SGCD: variants seen among roughly 807,000 people sequenced by gnomAD.
SGCD encodes the protein delta-sarcoglycan.
In SGCD, 18 loss-of-function variants were observed where a neutral mutation model predicts 36.6. That is an observed-to-expected ratio of 0.49 (90% CI 0.34 to 0.73). SGCD has a LOEUF of 0.73. Ranked by LOEUF, SGCD falls within the 30% of genes least tolerant of loss-of-function variation. The probability of loss-of-function intolerance (pLI) is 0.01; values close to 1 mark genes in which losing one functional copy is unlikely to be tolerated. For missense variants in SGCD, 387 were observed against 346.7 expected, an observed-to-expected ratio of 1.12 and a Z score of -0.92; for synonymous variants, 133 against 130.6, an observed-to-expected ratio of 1.02 and a Z score of -0.12.
intron 3 of SGCD, among the ~76,000 whole-genome samples, chr5:156,404,559 C>A (rs1418803530): frequency 6.6e-6 from 1 of 152,168 alleles, no homozygotes. Flanking sequence ...TTCCCTCCTA[C>A]CTTTTAAATC....
intron 1 of SGCD, among the ~76,000 whole-genome samples, chr5:156,027,443 C>G (rs1440010779): frequency 2.0e-5 from 3 of 152,178 alleles, no homozygotes; most frequent in African/African-American, 7.2e-5. Flanking sequence ...AATATGTCTC[C>G]TACTCTACAA....
intron 7 of SGCD, among the ~76,000 whole-genome samples, chr5:156,650,240 AAAAT>A (rs1316232344): frequency 6.6e-6 from 1 of 152,176 alleles, no homozygotes; most frequent in Non-Finnish European, 1.5e-5. Flanking sequence ...CCAGTGCAAC[AAAAT>A]AAATAAATAC....
At chr5:156,604,666 A>G (rs1761342886) in intron 6 of SGCD, among the ~76,000 whole-genome samples, 1 of 142,908 alleles carries the variant, frequency 7.0e-6, no homozygotes, top group East Asian at 2.0e-4. Flanking sequence ...CTGAAAACAT[A>G]TATTTAAATT....
intron 1 of SGCD, among the ~76,000 whole-genome samples, chr5:156,032,750 C>CCAAATA (rs1480470218): frequency 7.6e-6 from 1 of 132,140 alleles, no homozygotes; most frequent in East Asian, 2.6e-4. Flanking sequence ...TGTTTAATTC[C>CCAAATA]CAAATACACC....
chr5:155,895,780 G>A (rs575115449), intron 1 of SGCD, among the ~76,000 whole-genome samples: 2 of 151,996 alleles, frequency 1.3e-5, no homozygotes, highest in Non-Finnish European at 2.9e-5. Flanking sequence ...TTTCCCTTTC[G>A]GCTTTTATAC....
chr5:156,336,573 T>C (rs554367358), intron 2 of SGCD, among the ~76,000 whole-genome samples: 20 of 152,358 alleles, frequency 1.3e-4, no homozygotes, highest in African/African-American at 4.3e-4. Context: ...CTATCAGTTA[T>C]GTTAAGTGGA....
chr5:156,302,145 T>C (rs1581229903), intron 3 of SGCD, among the ~76,000 whole-genome samples: 1 of 152,154 alleles, frequency 6.6e-6, no homozygotes, highest in Non-Finnish European at 1.5e-5. Context: ...TAACTCTTAG[T>C]TTTGCCCTTT....
intron 6 of SGCD, among the ~76,000 whole-genome samples, chr5:156,608,444 G>C (rs774177057): frequency 2.0e-5 from 3 of 152,184 alleles, no homozygotes; most frequent in Non-Finnish European, 1.5e-5. Flanking sequence ...TACATTTGCT[G>C]AGGAGAGCTT....
chr5:156,011,188 C>T (rs938494798), intron 1 of SGCD, among the ~76,000 whole-genome samples: 4 of 152,068 alleles, frequency 2.6e-5, no homozygotes, highest in African/African-American at 9.7e-5. Context: ...ATATTAAATC[C>T]TTATAATGGC....
At chr5:156,260,564 C>T (rs575963722) in intron 3 of SGCD, among the ~76,000 whole-genome samples, 1 of 152,134 alleles carries the variant, frequency 6.6e-6, no homozygotes, top group South Asian at 2.1e-4. Context: ...TGTGATATTG[C>T]TAAATTTACT....
At chr5:155,932,391 A>G (rs139597111) in intron 1 of SGCD, among the ~76,000 whole-genome samples, 76 of 152,310 alleles carry the variant, frequency 5.0e-4, no homozygotes, top group African/African-American at 1.5e-3. Context: ...CTGGGCCTCT[A>G]CTTATCAAAC....
chr5:156,212,835 A>G (rs1764480065), intron 3 of SGCD, among the ~76,000 whole-genome samples: 1 of 152,142 alleles, frequency 6.6e-6, no homozygotes, highest in South Asian at 2.1e-4. Context: ...CTAGAAATCA[A>G]TAACAGGAGC....
chr5:155,843,131 C>T, the SGCD span, among the ~76,000 whole-genome samples: 5 of 152,244 alleles, frequency 3.3e-5, no homozygotes, highest in South Asian at 4.1e-4. Context: ...TGGTATCTTA[C>T]GTGAGGATTA....
In SGCD at chr5:156,273,786, G is replaced by GA. The variant is rs1047361798; in HGVS notation, c.-43-55742dup. On this transcript the variant is annotated intron_variant, in intron 3 of 9. Transcript: ENST00000517913. ...TTATCACACGATCCTAGAAGAGTGA[G>GA]AAAAAACGATGAACACTTTTTAAAA... Among the ~76,000 whole-genome samples, 7 of 152,206 alleles carry GA rather than the reference G, an allele frequency of 4.6e-5. No individual in the cohort carries two copies. The East Asian group carries it at 1.2e-3, about 25-fold the overall frequency.
intron 1 of SGCD, among the ~76,000 whole-genome samples, chr5:155,969,806 A>G (rs1468644758): frequency 6.6e-6 from 1 of 152,026 alleles, no homozygotes; most frequent in Non-Finnish European, 1.5e-5. Flanking sequence ...TGTTTAGAAA[A>G]TCTTGCTGCT....
intron 7 of SGCD, among the ~76,000 whole-genome samples, chr5:156,695,210 G>A (rs888933115): frequency 5.9e-5 from 9 of 151,710 alleles, no homozygotes; most frequent in Non-Finnish European, 1.0e-4. Flanking sequence ...CCAATAATTT[G>A]TCAAACATGG....
chr5:155,746,407 C>T, the SGCD span, among the ~76,000 whole-genome samples: 2 of 151,996 alleles, frequency 1.3e-5, no homozygotes, highest in Non-Finnish European at 2.9e-5. Flanking sequence ...AAAAAGAACA[C>T]TCCAGGAGAG....
intron 3 of SGCD, among the ~76,000 whole-genome samples, chr5:156,230,047 A>C (rs1383889921): frequency 6.6e-6 from 1 of 152,056 alleles, no homozygotes; most frequent in Non-Finnish European, 1.5e-5. Flanking sequence ...TATTCATTGA[A>C]TATTTCTCTC....
rs562058482 is a variant in SGCD at position 156,292,089 on chromosome 5, G to C, written c.-43-37445G>C. Among the ~76,000 whole-genome samples the C allele has an allele frequency of 4.6e-5, 7 of 152,188 alleles. No individual in the cohort carries two copies. In the East Asian group the frequency reaches 1.4e-3, roughly 29 times the overall value. Reference sequence around the variant, plus strand: ...ATGCTGTGTATAAGTGAGATCTGCAGTATTTATCTTTCTGTGTCTGGCTTA... The same window carrying C: ...ATGCTGTGTATAAGTGAGATCTGCACTATTTATCTTTCTGTGTCTGGCTTA... On this transcript the variant is annotated intron_variant, in intron 3 of 9. Transcript: ENST00000517913.
Sources: allele counts gnomAD v4.1 joint callset (sites outside exome capture counted in the v4.1 genomes callset), GRCh38; gene constraint gnomAD v4.1.1; transcripts MANE v1.5; gene names NCBI Gene and HGNC (gene_info 2026-07-23, HGNC 2026-07-21).